REV3L: variants seen among roughly 807,000 people sequenced by gnomAD.
The protein encoded by REV3L is REV3 like, DNA directed polymerase zeta catalytic subunit, also known as DNA polymerase zeta catalytic subunit.
In REV3L, 69 loss-of-function variants were observed where a neutral mutation model predicts 299.4. The ratio of observed to expected loss-of-function variants is 0.23; its 90% confidence interval spans 0.19 to 0.28. REV3L has a LOEUF of 0.28. Ranked by LOEUF, REV3L falls within the 10% of genes least tolerant of loss-of-function variation. The pLI, the probability that REV3L is intolerant of heterozygous loss-of-function variation, is 1.00. For missense variants in REV3L, 3,128 were observed against 3,693.8 expected (o/e 0.85, Z 3.97); for synonymous variants, 1,238 against 1,271.4 (o/e 0.97, Z 0.56).
At chr6:111,423,712 C>A (rs1255005375) in intron 1 of REV3L, among the ~76,000 whole-genome samples, 1 of 151,876 alleles carries the variant, frequency 6.6e-6, no homozygotes, top group Non-Finnish European at 1.5e-5. Flanking sequence ...GGAATTCAGT[C>A]GAGATGTCAG....
chr6:111,326,367 C>T (rs1224332406), intron 25 of REV3L, among the ~76,000 whole-genome samples: 1 of 152,040 alleles, frequency 6.6e-6, no homozygotes, highest in African/African-American at 2.4e-5. Context: ...AAATGACTAA[C>T]ATTACTAATT....
chr6:111,474,079 A>G (rs1471036016), intron 1 of REV3L, among the ~76,000 whole-genome samples: 1 of 152,226 alleles, frequency 6.6e-6, no homozygotes, highest in African/African-American at 2.4e-5. Context: ...ATATTTTCTA[A>G]TTACAGAAGA....
rs140044181 is a variant in REV3L at position 111,462,337 on chromosome 6, A to G, written c.139+20413T>C. On this transcript the variant is annotated intron_variant, in intron 1 of 31. Coordinates refer to ENST00000368802, the MANE Select transcript of REV3L (RefSeq NM_001372078.1). ...AAAGGAAGCTGAAGTGGTTATATTA[A>G]TACAAGGCAAAGAAGATTTCAGAAC... Among the ~76,000 whole-genome samples, 4 of 152,310 alleles carry G rather than the reference A, an allele frequency of 2.6e-5. No homozygotes were observed. In the East Asian group the frequency reaches 7.7e-4, roughly 29 times the overall value.
In REV3L at chr6:111,343,944, T is replaced by C. The variant is rs1341510533; in HGVS notation, c.7519A>G (p.Asn2507Asp). The C allele has an allele frequency of 1.2e-6, 2 of 1,605,716 alleles. No individual in the cohort carries two copies. The highest frequency in any genetic ancestry group is 1.7e-6 in the Non-Finnish European group (2 of 1,174,292). Residue 2507 changes from asparagine (N) to aspartate (D), a missense_variant, in exon 21 of 32, where the codon AAC becomes GAC. Physicochemically the swap from Asn to Asp is conservative, Grantham distance 23. Coordinates refer to ENST00000368802, the MANE Select transcript of REV3L (RefSeq NM_001372078.1). ...CAGTACCTGTATAGATCTGTCTTGT[T>C]ATCAAACCAGTCTGACAAGACTCGA... ...TFRVLSDWFD[N>D]KTDLYRWKMV...
Position 111,314,065 on chromosome 6 carries a change from A to G in REV3L, c.8467-576T>C, listed in dbSNP as rs780535051. 3.3e-5 allele frequency among the ~76,000 whole-genome samples: 5 copies of G among 152,348 alleles called. No homozygotes were observed. The South Asian group carries it at 1.0e-3, about 32-fold the overall frequency. The stretch of plus-strand genomic sequence containing the variant: ...TTACAACAAGAGACTGCTTATATAC[A>G]TTCCTAACCTTTCCTTTTAGATTAC... On this transcript the variant is annotated intron_variant, in intron 27 of 31. Coordinates refer to ENST00000368802, the MANE Select transcript of REV3L (RefSeq NM_001372078.1).
chr6:111,447,160 A>G (rs1788961027), intron 1 of REV3L, among the ~76,000 whole-genome samples: 1 of 152,238 alleles, frequency 6.6e-6, no homozygotes, highest in African/African-American at 2.4e-5. Flanking sequence ...TATTGCTAAA[A>G]TTACAGAATA....
chr6:111,401,110 G>A lies in REV3L; in HGVS notation c.565+4360C>T, dbSNP rs538966685. ...TTCTGGACTCTATTCTGTTCCATTG[G>A]TATATGTGTTTATCTTTTTGCCAAT... is the stretch of plus-strand genomic sequence containing the variant. On this transcript the variant is annotated intron_variant, in intron 4 of 31. Coordinates refer to ENST00000368802, the MANE Select transcript of REV3L (RefSeq NM_001372078.1). 2.6e-5 allele frequency among the ~76,000 whole-genome samples: 4 copies of A among 152,114 alleles called. No individual in the cohort carries two copies. The South Asian group carries it at 8.3e-4, about 32-fold the overall frequency.
rs1469689453 is a variant in REV3L at position 111,482,782 on chromosome 6, G to C, written c.107C>G (p.Pro36Arg). The C allele has an allele frequency of 2.7e-6, 4 of 1,482,286 alleles. No individual in the cohort carries two copies. Among genetic ancestry groups the C allele is most frequent in the South Asian group, 1.4e-5 (1 of 72,610 alleles). 91.8% of individuals were successfully genotyped at this position (1,482,286 alleles called of 1,614,324 possible). Residue 36 changes from proline to arginine, a missense_variant, in exon 1 of 32, where the codon CCG becomes CGG. Coordinates refer to ENST00000368802, the MANE Select transcript of REV3L (RefSeq NM_001372078.1). ...PLTQAPVKKVPVVRVFGATPA... is the reference protein window; with the variant it reads ...PLTQAPVKKVRVVRVFGATPA... Reference sequence around the variant, plus strand: ...GGTCGCTCCGAAGACTCGCACCACCGGCACCTTCTTGACAGGGGCCTGGGT... The same window carrying C: ...GGTCGCTCCGAAGACTCGCACCACCCGCACCTTCTTGACAGGGGCCTGGGT...
intron 1 of REV3L, chr6:111,471,995 C>T: frequency 1.2e-6 from 1 of 824,464 alleles, no homozygotes. Flanking sequence ...AATATATTAA[C>T]CAAAATAAAT....
chr6:111,463,900 T>C (rs955467270), intron 1 of REV3L, among the ~76,000 whole-genome samples: 2 of 152,056 alleles, frequency 1.3e-5, no homozygotes, highest in East Asian at 1.9e-4. Flanking sequence ...TTCTAAGACA[T>C]GTAATACCTC....
rs755881341 is a variant in REV3L, at chr6:111,329,684, T to G, written c.8089A>C (p.Arg2697=). The G allele has an allele frequency of 6.2e-7, 1 of 1,613,964 alleles. No homozygotes were observed. ...PRMLEEILKT[R]FMVKQSMKAY... is the part of the protein sequence containing the mutation. Reference sequence around the variant, plus strand: ...TTCATTGACTGCTTCACCATAAATCTAGTCTTCAAAATTTCTTCAAGCATT... The same window carrying G: ...TTCATTGACTGCTTCACCATAAATCGAGTCTTCAAAATTTCTTCAAGCATT... Residue 2697 remains arginine, a synonymous_variant, in exon 25 of 32, where the codon AGA becomes CGA. Transcript: ENST00000368802.
intron 26 of REV3L, among the ~76,000 whole-genome samples, chr6:111,318,722 G>C (rs905746259): frequency 1.3e-5 from 2 of 151,230 alleles, no homozygotes; most frequent in African/African-American, 2.4e-5. Flanking sequence ...AGGCATGCAC[G>C]ACCACGCCCG....
intron 1 of REV3L, among the ~76,000 whole-genome samples, chr6:111,431,992 T>C (rs1447231119): frequency 6.6e-6 from 1 of 152,188 alleles, no homozygotes; most frequent in Non-Finnish European, 1.5e-5. Flanking sequence ...AAATTTCTAT[T>C]CTTTGTTTTG....
intron 16 of REV3L, 23 bp downstream of exon 16, chr6:111,363,830 T>A (rs867945055): frequency 1.2e-6 from 2 of 1,609,536 alleles, no homozygotes; most frequent in Middle Eastern, 1.7e-4. Context: ...ACAATGTATG[T>A]GTCCTTACTG....
chr6:111,464,751 T>C (rs898368813), intron 1 of REV3L, among the ~76,000 whole-genome samples: 7 of 152,132 alleles, frequency 4.6e-5, no homozygotes, highest in African/African-American at 1.7e-4. Context: ...CCTGTAATCC[T>C]TGCACTTTGG....
chr6:111,325,473 C>T (rs148738354), intron 25 of REV3L, among the ~76,000 whole-genome samples: 1 of 152,286 alleles, frequency 6.6e-6, no homozygotes, highest in African/African-American at 2.4e-5. Flanking sequence ...CATTAACCTA[C>T]AACTATTAGC....
chr6:111,312,726 T>G (rs1773116220), intron 28 of REV3L: 1 of 152,198 alleles, frequency 6.6e-6, no homozygotes, highest in Admixed American at 6.5e-5. Flanking sequence ...CCCAGATAAT[T>G]TTTGTATTTC....
intron 27 of REV3L, 110 bp from the exon 28 acceptor site, chr6:111,313,599 T>A: frequency 8.0e-6 from 9 of 1,128,120 alleles, no homozygotes; most frequent in Non-Finnish European, 1.1e-5. Flanking sequence ...ATTTAAAAAA[T>A]TCTATATATG....
At chr6:111,345,563 CCATAAT>C (rs1251948831) in intron 20 of REV3L, among the ~76,000 whole-genome samples, 1 of 152,112 alleles carries the variant, frequency 6.6e-6, no homozygotes, top group Non-Finnish European at 1.5e-5. Flanking sequence ...CTACCCACTC[CCATAAT>C]CATACCCCAG....
Sources: gnomAD v4.1 joint callset for allele counts (sites outside exome capture counted in the v4.1 genomes callset) on GRCh38, gnomAD v4.1.1 for gene constraint, MANE v1.5 for transcripts, NCBI Gene and HGNC (gene_info 2026-07-23, HGNC 2026-07-21) for gene names.